The following RANBP2 variants were observed in gnomAD, a reference collection of about 807,000 sequenced individuals.
RANBP2 encodes the protein E3 SUMO-protein ligase RanBP2.
In RANBP2, 57 loss-of-function variants were observed where a neutral mutation model predicts 303.6. That is an observed-to-expected ratio of 0.19 (90% CI 0.15 to 0.23). The LOEUF (loss-of-function observed/expected upper bound fraction) is 0.23. Among genes scored for constraint, RANBP2 ranks in the 10% least tolerant of loss-of-function variants. RANBP2 has a pLI of 1.00. For synonymous variants in RANBP2, 1,167 were observed against 1,301.5 expected (o/e 0.90, Z 2.23); for missense variants, 3,138 against 3,780.8 (o/e 0.83, Z 4.46).
chr2:109,574,481 A>C, the RANBP2 span: 6 of 622,396 alleles, frequency 9.6e-6, no homozygotes, highest in Non-Finnish European at 1.2e-5. Context: ...AAAAAGATGC[A>C]CAGGATAAAA....
chr2:108,987,943 T>C, the RANBP2 span, among the ~76,000 whole-genome samples: 2 of 152,238 alleles, frequency 1.3e-5, no homozygotes, highest in African/African-American at 4.8e-5. Flanking sequence ...ATCCCTTTTT[T>C]CCTTCAGTCT....
chr2:109,574,760 G>A, the RANBP2 span: 3 of 1,570,172 alleles, frequency 1.9e-6, no homozygotes, highest in Non-Finnish European at 2.6e-6. Context: ...TCAACTATTG[G>A]TTGGTAGCTG....
chr2:109,125,105 T>C, the RANBP2 span, among the ~76,000 whole-genome samples: 3 of 151,878 alleles, frequency 2.0e-5, no homozygotes, highest in African/African-American at 4.8e-5. Context: ...AAGTCTGGGG[T>C]TGGCCTGTTG....
chr2:108,867,255 CAA>C, the RANBP2 span, among the ~76,000 whole-genome samples: 3 of 152,064 alleles, frequency 2.0e-5, no homozygotes, highest in South Asian at 2.1e-4. Flanking sequence ...GAGGTGGACA[CAA>C]GAGAGAAGCT....
chr2:109,234,733 T>C, the RANBP2 span, among the ~76,000 whole-genome samples: 56 of 152,256 alleles, frequency 3.7e-4, no homozygotes, highest in Non-Finnish European at 1.2e-4. Flanking sequence ...TGGAGTCTTC[T>C]GTGTGGGAGC....
At chr2:109,728,987 C>T in the RANBP2 span, among the ~76,000 whole-genome samples, 1 of 152,088 alleles carries the variant, frequency 6.6e-6, no homozygotes, top group South Asian at 2.1e-4. Flanking sequence ...TTAAAAAATG[C>T]AGGGCAGACA....
the RANBP2 span, among the ~76,000 whole-genome samples, chr2:109,462,371 G>A: frequency 1.3e-5 from 2 of 152,034 alleles, no homozygotes; most frequent in Non-Finnish European, 2.9e-5. Flanking sequence ...GATACCAAGA[G>A]GTGTGGTGGA....
the RANBP2 span, among the ~76,000 whole-genome samples, chr2:108,851,121 C>G: frequency 4.6e-5 from 7 of 152,016 alleles, no homozygotes; most frequent in Non-Finnish European, 7.4e-5. Context: ...AACACTTAAC[C>G]AGTTTATTAT....
the RANBP2 span, chr2:108,930,019 TG>T: frequency 7.0e-7 from 1 of 1,420,274 alleles, no homozygotes; most frequent in Non-Finnish European, 9.5e-7. Context: ...TGATATACCC[TG>T]GCATCCCCTC....
the RANBP2 span, among the ~76,000 whole-genome samples, chr2:109,539,748 C>T: frequency 6.6e-6 from 1 of 152,154 alleles, no homozygotes; most frequent in African/African-American, 2.4e-5. Flanking sequence ...CGGCCGCAAC[C>T]AGTTTTGTCC....
the RANBP2 span, among the ~76,000 whole-genome samples, chr2:109,723,499 A>G: frequency 6.6e-6 from 1 of 152,148 alleles, no homozygotes; most frequent in Non-Finnish European, 1.5e-5. Flanking sequence ...TGTGGTTTCA[A>G]TTTACATTTC....
At chr2:109,669,990 C>T in the RANBP2 span, among the ~76,000 whole-genome samples, 1 of 151,936 alleles carries the variant, frequency 6.6e-6, no homozygotes, top group Non-Finnish European at 1.5e-5. Context: ...CACCTTTCTA[C>T]CACCCTGGCC....
At chr2:109,060,910 A>T in the RANBP2 span, among the ~76,000 whole-genome samples, 1 of 152,228 alleles carries the variant, frequency 6.6e-6, no homozygotes, top group Non-Finnish European at 1.5e-5. Context: ...AAAATTTAGA[A>T]AAAGTCAAAA....
At chr2:109,369,104 G>A in the RANBP2 span, among the ~76,000 whole-genome samples, 1 of 152,102 alleles carries the variant, frequency 6.6e-6, no homozygotes, top group Non-Finnish European at 1.5e-5. Flanking sequence ...CAGCACTTTG[G>A]GAGGCCGAGG....
the RANBP2 span, among the ~76,000 whole-genome samples, chr2:109,332,652 T>C: frequency 6.6e-6 from 1 of 152,260 alleles, no homozygotes; most frequent in South Asian, 2.1e-4. Flanking sequence ...CATCCTCTAA[T>C]TTGCCAGGCA....
At chr2:108,929,556 G>T in the RANBP2 span, among the ~76,000 whole-genome samples, 1 of 152,158 alleles carries the variant, frequency 6.6e-6, no homozygotes, top group Non-Finnish European at 1.5e-5. Flanking sequence ...TCATGCTCTG[G>T]GCTTGCCCCT....
chr2:108,786,294 T>C (rs1432140833), downstream of RANBP2, among the ~76,000 whole-genome samples: 1 of 149,966 alleles, frequency 6.7e-6, no homozygotes, highest in African/African-American at 2.5e-5. Flanking sequence ...GGAGTCTTGC[T>C]ATGTTACCCA....
At chr2:109,556,167 G>A in the RANBP2 span, among the ~76,000 whole-genome samples, 4 of 152,168 alleles carry the variant, frequency 2.6e-5, no homozygotes, top group African/African-American at 9.7e-5. Flanking sequence ...AACTCTACCA[G>A]TAGCTGCCCT....
At chr2:109,663,013 C>T in the RANBP2 span, among the ~76,000 whole-genome samples, 1 of 152,188 alleles carries the variant, frequency 6.6e-6, no homozygotes, top group Non-Finnish European at 1.5e-5. Flanking sequence ...CTATGGACCA[C>T]ACCTGAGTTG....
Sources: gnomAD v4.1 joint callset for allele counts (sites outside exome capture counted in the v4.1 genomes callset) on GRCh38, gnomAD v4.1.1 for gene constraint, MANE v1.5 for transcripts, NCBI Gene and HGNC (gene_info 2026-07-23, HGNC 2026-07-21) for gene names.